The following ADAMTS3 variants were observed in gnomAD, a reference collection of about 807,000 sequenced individuals.
The protein encoded by ADAMTS3 is ADAM metallopeptidase with thrombospondin type 1 motif 3.
In ADAMTS3, 73 loss-of-function variants were observed where a neutral mutation model predicts 129.0. That is an observed-to-expected ratio of 0.57 (90% confidence interval 0.47 to 0.69). ADAMTS3 has a LOEUF of 0.69. Ranked by LOEUF, ADAMTS3 falls within the 30% of genes least tolerant of loss-of-function variation. The pLI, the probability that ADAMTS3 is intolerant of heterozygous loss-of-function variation, is 0.00. For missense variants in ADAMTS3, 1,457 were observed against 1,514.5 expected (o/e 0.96, Z 0.63); for synonymous variants, 477 against 510.8 (o/e 0.93, Z 0.89).
chr4:72,468,789 A>T (rs1718988139), intron 3 of ADAMTS3, among the ~76,000 whole-genome samples: 1 of 152,054 alleles, frequency 6.6e-6, no homozygotes, highest in Admixed American at 6.6e-5. Flanking sequence ...ATAGAATGTA[A>T]GTTTTGACTT....
chr4:72,479,847 A>C (rs1334480375), intron 3 of ADAMTS3, among the ~76,000 whole-genome samples: 3 of 152,210 alleles, frequency 2.0e-5, no homozygotes, highest in African/African-American at 7.2e-5. Flanking sequence ...CAAATTTACA[A>C]GAAACAAACA....
chr4:72,549,976 AG>A (rs1721576632), intron 2 of ADAMTS3, among the ~76,000 whole-genome samples: 1 of 29,862 alleles, frequency 3.3e-5, no homozygotes, highest in East Asian at 7.8e-4. Flanking sequence ...AAGAAGAAGA[AG>A]AAGAAGAAGA....
chr4:72,342,477 C>A (rs896367783), intron 4 of ADAMTS3, among the ~76,000 whole-genome samples: 3 of 151,280 alleles, frequency 2.0e-5, no homozygotes, highest in Non-Finnish European at 4.4e-5. Flanking sequence ...GATTCTTGTG[C>A]CTCAACCTCC....
At chr4:72,403,184 CTATT>C (rs1721968249) in intron 4 of ADAMTS3, among the ~76,000 whole-genome samples, 2 of 152,048 alleles carry the variant, frequency 1.3e-5, no homozygotes, top group Admixed American at 1.3e-4. Flanking sequence ...GATGATCTCT[CTATT>C]TGTACTGAGT....
intron 18 of ADAMTS3, among the ~76,000 whole-genome samples, chr4:72,296,574 T>C (rs949539235): frequency 6.6e-6 from 1 of 152,124 alleles, no homozygotes; most frequent in African/African-American, 2.4e-5. Flanking sequence ...TTTGCTATAT[T>C]TCTTTATATA....
At chr4:72,566,597 T>C (rs1219995051) in intron 2 of ADAMTS3, among the ~76,000 whole-genome samples, 1 of 152,254 alleles carries the variant, frequency 6.6e-6, no homozygotes, top group Non-Finnish European at 1.5e-5. Flanking sequence ...AGAAAAATTA[T>C]CTTTTAAAGT....
At chr4:72,425,232 A>G (rs1722539686) in intron 3 of ADAMTS3, among the ~76,000 whole-genome samples, 1 of 152,208 alleles carries the variant, frequency 6.6e-6, no homozygotes, top group African/African-American at 2.4e-5. Context: ...ATGACAATTC[A>G]TAAGCCTAAA....
At chr4:72,464,639 T>G (rs553968229) in intron 3 of ADAMTS3, among the ~76,000 whole-genome samples, 1 of 152,184 alleles carries the variant, frequency 6.6e-6, no homozygotes, top group South Asian at 2.1e-4. Flanking sequence ...CTTACCATCC[T>G]AGAGAAACTA....
At chr4:72,457,836 A>G (rs1246762115) in intron 3 of ADAMTS3, among the ~76,000 whole-genome samples, 1 of 147,604 alleles carries the variant, frequency 6.8e-6, no homozygotes. Flanking sequence ...CCCTTCTTTC[A>G]TACTCTCTTG....
chr4:72,307,652 A>AATGCCAAT (rs1329102269), intron 15 of ADAMTS3, among the ~76,000 whole-genome samples: 1 of 152,060 alleles, frequency 6.6e-6, no homozygotes, highest in African/African-American at 2.4e-5. Context: ...TGTAATAGAT[A>AATGCCAAT]ATGCCAATAA....
intron 3 of ADAMTS3, among the ~76,000 whole-genome samples, chr4:72,489,683 C>T (rs1560535910): frequency 6.6e-6 from 1 of 151,934 alleles, no homozygotes; most frequent in Non-Finnish European, 1.5e-5. Flanking sequence ...TTTATCATCT[C>T]ACATCCTCAC....
intron 5 of ADAMTS3, among the ~76,000 whole-genome samples, chr4:72,329,410 G>A (rs1049192115): frequency 2.6e-5 from 4 of 152,250 alleles, no homozygotes; most frequent in Admixed American, 6.5e-5. Context: ...GAGCAAGTGC[G>A]AAAGCTCAAC....
chr4:72,549,601 A>G (rs1721556983), intron 2 of ADAMTS3, among the ~76,000 whole-genome samples: 1 of 152,092 alleles, frequency 6.6e-6, no homozygotes, highest in Non-Finnish European at 1.5e-5. Context: ...AATTAGAAGA[A>G]TGGGTAAAGA....
intron 5 of ADAMTS3, among the ~76,000 whole-genome samples, chr4:72,331,096 A>G (rs900573557): frequency 1.3e-5 from 2 of 152,216 alleles, no homozygotes; most frequent in African/African-American, 4.8e-5. Context: ...GGAAGAGGCA[A>G]CTGAGACGCT....
intron 4 of ADAMTS3, among the ~76,000 whole-genome samples, chr4:72,385,276 G>T (rs961396151): frequency 1.3e-5 from 2 of 151,822 alleles, no homozygotes; most frequent in African/African-American, 4.8e-5. Context: ...TAACTCTAAG[G>T]ACACCTGAAA....
intron 3 of ADAMTS3, among the ~76,000 whole-genome samples, chr4:72,471,006 G>A (rs1205933688): frequency 1.3e-5 from 2 of 152,090 alleles, no homozygotes; most frequent in East Asian, 3.9e-4. Context: ...TTGCACAAAT[G>A]TTTGAGGTGT....
At chr4:72,558,577 A>T (rs1721824675) in intron 2 of ADAMTS3, among the ~76,000 whole-genome samples, 1 of 151,630 alleles carries the variant, frequency 6.6e-6, no homozygotes, top group Non-Finnish European at 1.5e-5. Context: ...AACATAACAT[A>T]CTCGCAGGTT....
intron 2 of ADAMTS3, among the ~76,000 whole-genome samples, chr4:72,558,031 C>A (rs1721810905): frequency 6.6e-6 from 1 of 151,622 alleles, no homozygotes; most frequent in Non-Finnish European, 1.5e-5. Context: ...CTAGATAGAA[C>A]TTTGAAAGAT....
intron 4 of ADAMTS3, among the ~76,000 whole-genome samples, chr4:72,394,356 T>C (rs538540403): frequency 1.8e-4 from 27 of 152,190 alleles, no homozygotes; most frequent in Non-Finnish European, 1.0e-4. Context: ...AGTCCAGTCA[T>C]GTGCTTTCAC....
Sources: allele counts gnomAD v4.1 joint callset (sites outside exome capture counted in the v4.1 genomes callset), GRCh38; gene constraint gnomAD v4.1.1; transcripts MANE v1.5; gene names NCBI Gene and HGNC (gene_info 2026-07-23, HGNC 2026-07-21).